ANKRD30B: variants seen among roughly 807,000 people sequenced by gnomAD.
ANKRD30B encodes the protein ankyrin repeat domain-containing protein 30B.
In ANKRD30B, 144 loss-of-function variants were observed where a neutral mutation model predicts 202.2. That is an observed-to-expected ratio of 0.71 (90% CI 0.62 to 0.82). The LOEUF is 0.82. Among genes scored for constraint, ANKRD30B ranks in the 40% least tolerant of loss-of-function variants. The pLI, the probability that ANKRD30B is intolerant of heterozygous loss-of-function variation, is 0.00. For synonymous variants in ANKRD30B, 508 were observed against 561.3 expected (o/e 0.91, Z 1.34); for missense variants, 1,487 against 1,669.1 (o/e 0.89, Z 1.90).
intron 9 of ANKRD30B, 53 bp downstream of exon 9, chr18:14,772,281 T>C (rs935768586): frequency 3.4e-6 from 4 of 1,179,388 alleles, no homozygotes; most frequent in East Asian, 5.5e-5. Context: ...TATTTCTGTA[T>C]AGTATTTCTT....
chr18:14,792,468 A>G (rs1968588682), intron 16 of ANKRD30B, among the ~76,000 whole-genome samples: 1 of 151,980 alleles, frequency 6.6e-6, no homozygotes. Context: ...GGAAGAAACA[A>G]GAGCACAAGT....
the ANKRD30B span, among the ~76,000 whole-genome samples, chr18:14,896,196 A>G: frequency 1.0e-4 from 15 of 149,234 alleles, no homozygotes; most frequent in Admixed American, 8.7e-4. Context: ...CAGTGGCGTG[A>G]TCTCGGTTCA....
chr18:14,763,871 C>A lies in ANKRD30B; in HGVS notation c.1006C>A (p.Pro336Thr), dbSNP rs755279572. ...GTTTGAACAGTCAACAGAAGAAACA[C>A]CTAGGAAAATTTTGAGGCCTACAAA... The part of the protein sequence containing the change: ...GKFEQSTEET[P>T]RKILRPTKET... Residue 336 changes from proline (P) to threonine (T), a missense_variant, in exon 7 of 44, where the codon CCT becomes ACT. Coordinates refer to ENST00000690538, the MANE Select transcript of ANKRD30B (RefSeq NM_001367607.2). 37 of 1,612,648 alleles carry A rather than the reference C, an allele frequency of 2.3e-5. No individual in the cohort carries two copies. The South Asian group carries it at 3.4e-4, about 15-fold the overall frequency.
chr18:14,844,740 C>G (rs934782949), intron 39 of ANKRD30B, among the ~76,000 whole-genome samples: 1 of 152,188 alleles, frequency 6.6e-6, no homozygotes, highest in East Asian at 1.9e-4. Context: ...GCCTCTCCAG[C>G]ACCTGTTGTT....
chr18:14,859,116 C>T (rs1229432932), downstream of ANKRD30B, among the ~76,000 whole-genome samples: 15 of 133,984 alleles, frequency 1.1e-4, no homozygotes, highest in Admixed American at 7.1e-4. Context: ...CGGGCAGAGG[C>T]GCTCCTCACC....
intron 3 of ANKRD30B, among the ~76,000 whole-genome samples, chr18:14,753,880 G>C (rs1488272152): frequency 9.2e-5 from 14 of 151,988 alleles, no homozygotes; most frequent in East Asian, 1.9e-4. Flanking sequence ...AGATGAGTTA[G>C]AACTTTCATT....
At position 14,780,028 on chromosome 18, in the gene ANKRD30B, T is replaced by G; in HGVS notation, c.1482+7T>G. 1 of 1,597,524 alleles carries G rather than the reference T, an allele frequency of 6.3e-7. No homozygotes were observed. The highest frequency in any genetic ancestry group is 8.6e-7 in the Non-Finnish European group (1 of 1,167,826). ...ATATTCTTGGGATTCTGGGGTATTG[T>G]GTATTATTGCTGTTATTATTCTCTA... is the stretch of plus-strand genomic sequence containing the variant. On this transcript the variant is annotated splice_region_variant and intron_variant, in intron 11 of 43. Transcript: ENST00000690538.
At chr18:14,860,384 G>GAT in the ANKRD30B span, among the ~76,000 whole-genome samples, 1 of 106,106 alleles carries the variant, frequency 9.4e-6, no homozygotes, top group African/African-American at 3.7e-5. Flanking sequence ...CTTCCCAGAG[G>GAT]GGGTGGCCGG....
chr18:14,833,195 C>G (rs1166503860), intron 34 of ANKRD30B, among the ~76,000 whole-genome samples: 1 of 151,426 alleles, frequency 6.6e-6, no homozygotes, highest in African/African-American at 2.4e-5. Flanking sequence ...TAGGCCTCCC[C>G]AAAATCCTGG....
intron 28 of ANKRD30B, among the ~76,000 whole-genome samples, chr18:14,810,629 A>AAAGT (rs1032325332): frequency 2.0e-5 from 3 of 149,654 alleles, no homozygotes; most frequent in African/African-American, 7.4e-5. Context: ...TAGGTGACTG[A>AAAGT]GTGTGTGTGT....
chr18:14,756,422 G>T (rs1239541809), intron 4 of ANKRD30B, among the ~76,000 whole-genome samples: 1 of 152,126 alleles, frequency 6.6e-6, no homozygotes, highest in Non-Finnish European at 1.5e-5. Context: ...GATCCCATTT[G>T]TCAATTTTGG....
chr18:14,907,826 ACT>A, the ANKRD30B span, among the ~76,000 whole-genome samples: 1 of 151,718 alleles, frequency 6.6e-6, no homozygotes, highest in Non-Finnish European at 1.5e-5. Context: ...CCAAACTGAC[ACT>A]CTGCCAAACT....
chr18:14,893,766 G>A, the ANKRD30B span, among the ~76,000 whole-genome samples: 1 of 151,480 alleles, frequency 6.6e-6, no homozygotes, highest in South Asian at 2.1e-4. Context: ...TGTCTACAGT[G>A]TATCCGTTGC....
intron 32 of ANKRD30B, among the ~76,000 whole-genome samples, chr18:14,824,967 A>G (rs1253080221): frequency 1.3e-5 from 2 of 152,216 alleles, no homozygotes; most frequent in Non-Finnish European, 2.9e-5. Flanking sequence ...GTGGAATACA[A>G]CAGTTTGCAT....
At chr18:14,865,295 C>CTT in the ANKRD30B span, among the ~76,000 whole-genome samples, 2 of 151,790 alleles carry the variant, frequency 1.3e-5, no homozygotes, top group African/African-American at 4.8e-5. Flanking sequence ...TCCTCACTGT[C>CTT]TTTTCACAAA....
In ANKRD30B at chr18:14,837,243, G is replaced by A. The variant is rs2487262; in HGVS notation, c.2880G>A (p.Gln960=). The A allele has an allele frequency of 6.5e-7, 1 of 1,549,486 alleles. No individual in the cohort carries two copies. The highest frequency in any genetic ancestry group is 2.5e-5 in the East Asian group (1 of 40,768). The part of the protein sequence containing the change: ...EGATKTVTGQ[Q]ERDIGIIERA... ...CAACAAAGACAGTAACTGGACAACA[G>A]GAACGTGATATTGGCATTATTGAAC... The change falls in exon 35 of 44, where the codon CAG becomes CAA. Residue 960 remains glutamine, a synonymous_variant. Coordinates refer to ENST00000690538, the MANE Select transcript of ANKRD30B (RefSeq NM_001367607.2).
the ANKRD30B span, among the ~76,000 whole-genome samples, chr18:14,863,529 C>T: frequency 6.6e-6 from 1 of 151,864 alleles, no homozygotes; most frequent in Non-Finnish European, 1.5e-5. Context: ...GCCTGCACAA[C>T]TATAAACCAA....
At chr18:14,767,428 CAA>C (rs1054762236) in intron 7 of ANKRD30B, among the ~76,000 whole-genome samples, 1 of 152,036 alleles carries the variant, frequency 6.6e-6, no homozygotes, top group Non-Finnish European at 1.5e-5. Flanking sequence ...TAAAATAAAA[CAA>C]TAATAATACA....
At chr18:14,919,294 T>C in the ANKRD30B span, among the ~76,000 whole-genome samples, 4 of 152,178 alleles carry the variant, frequency 2.6e-5, no homozygotes, top group African/African-American at 9.7e-5. Context: ...TCACCCGCAT[T>C]TGGTAGGCCT....
Sources: allele counts gnomAD v4.1 joint callset (sites outside exome capture counted in the v4.1 genomes callset), GRCh38; gene constraint gnomAD v4.1.1; transcripts MANE v1.5; gene names NCBI Gene and HGNC (gene_info 2026-07-23, HGNC 2026-07-21).